The following MAD1L1 variants were observed in gnomAD, a reference collection of about 807,000 sequenced individuals.
MAD1L1 encodes the protein mitotic spindle assembly checkpoint protein MAD1.
In MAD1L1, 95 loss-of-function variants were observed where a neutral mutation model predicts 96.9. The observed-to-expected ratio is 0.98, with a 90% CI of 0.83 to 1.16. The LOEUF (loss-of-function observed/expected upper bound fraction) is 1.16, where lower values mean the gene tolerates loss of function less well. Among genes scored for constraint, MAD1L1 ranks in the 50% most tolerant of loss-of-function variants. The pLI is 0.00. For synonymous variants in MAD1L1, 473 were observed against 396.6 expected, an observed-to-expected ratio of 1.19 and a Z score of -2.29; for missense variants, 1,007 against 954.4, an observed-to-expected ratio of 1.06 and a Z score of -0.73.
At chr7:2,048,040 CACAT>C (rs1392721561) in intron 12 of MAD1L1, among the ~76,000 whole-genome samples, 7 of 152,216 alleles carry the variant, frequency 4.6e-5, no homozygotes, top group African/African-American at 1.2e-4. Flanking sequence ...TATGGACACA[CACAT>C]ACACAGCACT....
chr7:1,988,861 G>A (rs905530558), intron 14 of MAD1L1, among the ~76,000 whole-genome samples: 2 of 152,234 alleles, frequency 1.3e-5, no homozygotes, highest in African/African-American at 2.4e-5. Flanking sequence ...CCAGGCTGCA[G>A]GAGGCAGGGC....
intron 15 of MAD1L1, among the ~76,000 whole-genome samples, chr7:1,967,874 T>C (rs998848596): frequency 6.8e-6 from 1 of 147,634 alleles, no homozygotes. Context: ...CAAGTTCCGG[T>C]GCGTGCACCA....
At chr7:2,170,573 C>T (rs1790660237) in intron 10 of MAD1L1, among the ~76,000 whole-genome samples, 1 of 152,184 alleles carries the variant, frequency 6.6e-6, no homozygotes, top group South Asian at 2.1e-4. Flanking sequence ...TCGGCAGGGA[C>T]AGACAAACAG....
At chr7:2,070,750 C>T (rs1191834977) in intron 11 of MAD1L1, among the ~76,000 whole-genome samples, 1 of 152,250 alleles carries the variant, frequency 6.6e-6, no homozygotes, top group Non-Finnish European at 1.5e-5. Flanking sequence ...TGTGAGGCAA[C>T]CATCAGGGAG....
rs1329386042 is a variant in MAD1L1, at chr7:2,224,534, C to G, written c.291+876G>C. On this transcript the variant is annotated intron_variant, in intron 4 of 18. Coordinates refer to ENST00000265854, the MANE Select transcript of MAD1L1 (RefSeq NM_001013836.2). The stretch of plus-strand genomic sequence containing the variant: ...GCAGGCCAGGGGCAAGCAATCCAAC[C>G]AGCATCACACCCCGGAAGACGTGAG... 2.6e-5 allele frequency among the ~76,000 whole-genome samples: 4 copies of G among 152,326 alleles called. No homozygotes were observed. The East Asian group carries it at 7.7e-4, about 29-fold the overall frequency.
At chr7:2,132,644 T>C (rs985702530) in intron 11 of MAD1L1, among the ~76,000 whole-genome samples, 1 of 152,256 alleles carries the variant, frequency 6.6e-6, no homozygotes, top group African/African-American at 2.4e-5. Context: ...AATCCCACAG[T>C]ACACCGCCTT....
intron 18 of MAD1L1, among the ~76,000 whole-genome samples, chr7:1,874,704 T>C (rs1021720140): frequency 6.6e-6 from 1 of 152,000 alleles, no homozygotes; most frequent in African/African-American, 2.4e-5. Flanking sequence ...ATTGGGGCCT[T>C]GTGTGGCTCA....
intron 17 of MAD1L1, among the ~76,000 whole-genome samples, chr7:1,930,909 G>A (rs1789433984): frequency 6.6e-6 from 1 of 152,156 alleles, no homozygotes; most frequent in African/African-American, 2.4e-5. Flanking sequence ...GGGCCAGCCA[G>A]GCCGGGGAGG....
At chr7:1,990,571 C>A (rs1445983007) in intron 14 of MAD1L1, among the ~76,000 whole-genome samples, 2 of 152,250 alleles carry the variant, frequency 1.3e-5, no homozygotes, top group Non-Finnish European at 2.9e-5. Context: ...AAAAAACAGC[C>A]CAGCCGGAGG....
At chr7:2,003,510 T>C (rs1405415852) in intron 13 of MAD1L1, among the ~76,000 whole-genome samples, 3 of 152,044 alleles carry the variant, frequency 2.0e-5, no homozygotes, top group East Asian at 2.0e-4. Context: ...CCACGGGCTA[T>C]CCTGGTGCCT....
At chr7:1,941,461 T>C (rs1347548375) in intron 16 of MAD1L1, among the ~76,000 whole-genome samples, 1 of 152,228 alleles carries the variant, frequency 6.6e-6, no homozygotes, top group Admixed American at 6.5e-5. Context: ...AGAGAAAAGA[T>C]AAAACTGAGA....
chr7:2,220,317 A>T (rs1793530848), intron 5 of MAD1L1, among the ~76,000 whole-genome samples: 1 of 152,216 alleles, frequency 6.6e-6, no homozygotes, highest in East Asian at 1.9e-4. Context: ...ACATCATGGA[A>T]CCCGCACGCG....
rs989333772 is a variant in MAD1L1, at chr7:2,054,341, C to T, written c.1218+14853G>A. Among the ~76,000 whole-genome samples the T allele has an allele frequency of 7.2e-5, 11 of 152,268 alleles. No individual in the cohort carries two copies. The South Asian group carries it at 1.0e-3, about 14-fold the overall frequency. ...CGTGGAGGGCTCGGGCTGGTGGAGGCGGTCCACGCTCCCACAACCCAACCT... is the reference window on the plus strand; with the variant it reads ...CGTGGAGGGCTCGGGCTGGTGGAGGTGGTCCACGCTCCCACAACCCAACCT... On this transcript the variant is annotated intron_variant, in intron 12 of 18. Coordinates refer to ENST00000265854, the MANE Select transcript of MAD1L1 (RefSeq NM_001013836.2).
At chr7:1,849,517 G>C (rs1293999354) in intron 18 of MAD1L1, 1 of 152,258 alleles carries the variant, frequency 6.6e-6, no homozygotes, top group Non-Finnish European at 1.5e-5. Context: ...CTGTCTGCAG[G>C]GGGCAGCCAG....
chr7:2,164,034 A>G (rs187108937), intron 10 of MAD1L1, among the ~76,000 whole-genome samples: 1 of 152,196 alleles, frequency 6.6e-6, no homozygotes, highest in Non-Finnish European at 1.5e-5. Flanking sequence ...TCCAAACCTC[A>G]ACCCCCCACC....
In MAD1L1 at chr7:2,156,591, A is replaced by T. The variant is rs1789861671; in HGVS notation, c.987-7353T>A. Among the ~76,000 whole-genome samples the T allele has an allele frequency of 2.0e-5, 3 of 152,306 alleles. No individual in the cohort carries two copies. In the South Asian group the frequency reaches 6.2e-4, roughly 32 times the overall value. On this transcript the variant is annotated intron_variant, in intron 10 of 18. Transcript: ENST00000265854. ...TGCCAGCACTTTGGGAGGCCGAGGC[A>T]GGCGGATCACCTGAGGTCAGGAGCT...
At chr7:1,899,792 T>A (rs1281060726) in intron 17 of MAD1L1, among the ~76,000 whole-genome samples, 1 of 152,102 alleles carries the variant, frequency 6.6e-6, no homozygotes, top group Non-Finnish European at 1.5e-5. Context: ...CCGAAGAGGC[T>A]CTGATGGGCC....
chr7:2,141,572 G>A (rs1481455994), intron 11 of MAD1L1, among the ~76,000 whole-genome samples: 1 of 152,228 alleles, frequency 6.6e-6, no homozygotes, highest in Non-Finnish European at 1.5e-5. Context: ...CCGCATGAGG[G>A]AGGGAGGCCC....
At position 2,230,676 on chromosome 7, in the gene MAD1L1, G is replaced by C. The variant is rs1794147738; in HGVS notation, c.-138C>G. ...CCGATGGTGTAATTCTCAGTTCGAG[G>C]GGCTGCTGGGACAAGTCCTGGAGAC... On this transcript the variant is annotated 5_prime_UTR_variant, in exon 2 of 19. Coordinates refer to ENST00000265854, the MANE Select transcript of MAD1L1 (RefSeq NM_001013836.2). The C allele has an allele frequency of 6.5e-6, 1 of 154,616 alleles. No homozygotes were observed. The highest frequency in any genetic ancestry group is 2.4e-5 in the African/African-American group (1 of 41,474). The allele number at this position is 154,616 out of a possible 1,614,324, so 9.6% of individuals were successfully genotyped here. A position where few individuals can be genotyped will look rare whatever the true frequency, so the allele number is the denominator to read the frequency against.
Sources: gnomAD v4.1 joint callset for allele counts (sites outside exome capture counted in the v4.1 genomes callset) on GRCh38, gnomAD v4.1.1 for gene constraint, MANE v1.5 for transcripts, NCBI Gene and HGNC (gene_info 2026-07-23, HGNC 2026-07-21) for gene names.